The following ACTN4 variants were observed in gnomAD, a reference collection of about 807,000 sequenced individuals.
The protein encoded by ACTN4 is actinin alpha 4, also known as alpha-actinin-4.
ACTN4 carries 18 observed loss-of-function variants against 114.2 expected under a neutral mutation model. That is an observed-to-expected ratio of 0.16 (90% CI 0.11 to 0.23). The LOEUF (loss-of-function observed/expected upper bound fraction) is 0.23. ACTN4 is among the 10% of genes least tolerant of loss of function. The pLI is 1.00. For synonymous variants in ACTN4, 515 were observed against 506.3 expected, an observed-to-expected ratio of 1.02 and a Z score of -0.23; for missense variants, 722 against 1,262.9, an observed-to-expected ratio of 0.57 and a Z score of 6.49.
intron 1 of ACTN4, among the ~76,000 whole-genome samples, chr19:38,680,131 C>T (rs1335259420): frequency 6.6e-6 from 1 of 151,754 alleles, no homozygotes; most frequent in Non-Finnish European, 1.5e-5. Context: ...CCCTATCAGA[C>T]GCTGAGGTCT....
chr19:38,689,781 C>A (rs1045143229), intron 1 of ACTN4, among the ~76,000 whole-genome samples: 8 of 152,128 alleles, frequency 5.3e-5, no homozygotes, highest in Non-Finnish European at 1.5e-5. Context: ...TCAAGCGATT[C>A]TCCTGCCTCA....
intron 9 of ACTN4, among the ~76,000 whole-genome samples, chr19:38,715,957 A>G (rs1968824773): frequency 1.3e-5 from 2 of 152,218 alleles, no homozygotes; most frequent in Non-Finnish European, 1.5e-5. Flanking sequence ...GCTGGAGTGC[A>G]ATGGCACGAC....
At chr19:38,699,278 C>T (rs1968191006) in intron 1 of ACTN4, among the ~76,000 whole-genome samples, 1 of 152,194 alleles carries the variant, frequency 6.6e-6, no homozygotes. Context: ...TGGGTGTACC[C>T]ATGCCCTGTC....
chr19:38,728,410 G>GCCCCTC (rs1969324300), intron 19 of ACTN4: 1 of 754,824 alleles, frequency 1.3e-6, no homozygotes, highest in African/African-American at 2.6e-5. Context: ...CCAGCCACCC[G>GCCCCTC]CTCCTCCTCC....
chr19:38,712,510 C>T (rs777659248), intron 8 of ACTN4, among the ~76,000 whole-genome samples: 5 of 152,124 alleles, frequency 3.3e-5, no homozygotes, highest in Non-Finnish European at 5.9e-5. Context: ...TAGGCAGCTG[C>T]CAGGGAGCCA....
In ACTN4 at chr19:38,647,820, G is replaced by T; in HGVS notation, c.75G>T (p.Gly25=). 6.4e-7 allele frequency: 1 copy of T among 1,551,450 alleles called. No homozygotes were observed. Among genetic ancestry groups the T allele is most frequent in the East Asian group, 2.5e-5 (1 of 39,596 alleles). The change falls in exon 1 of 21, where the codon GGG becomes GGT. Residue 25 remains glycine (G), a synonymous_variant. Transcript: ENST00000252699. Reference sequence around the variant, plus strand: ...GCGCGGGCAATGGCGCTGGCGGCGGGGGCAGCATGGGCGACTACATGGCCC... The same window carrying T: ...GCGCGGGCAATGGCGCTGGCGGCGGTGGCAGCATGGGCGACTACATGGCCC... ...PSSAGNGAGG[G]GSMGDYMAQE... is the part of the protein sequence containing the mutation.
chr19:38,728,283 G>A, intron 19 of ACTN4: 1 of 1,533,512 alleles, frequency 6.5e-7, no homozygotes, highest in Non-Finnish European at 8.8e-7. Flanking sequence ...TCTGGGCCCG[G>A]CCTCCTCTGC....
rs1224823913 is a variant in ACTN4, at chr19:38,731,039, C to T, written c.*1607C>T. ...CTGCAGTGGCCTGTGCAGAGAGGGG[C>T]AGGGTGAGTGCCCACCAGTCCCCGT... is the stretch of plus-strand genomic sequence containing the variant. On this transcript the variant is annotated 3_prime_UTR_variant, in exon 21 of 21. Transcript: ENST00000252699. The T allele has an allele frequency of 6.4e-7, 1 of 1,556,896 alleles. No individual in the cohort carries two copies. Among genetic ancestry groups the T allele is most frequent in the South Asian group, 1.2e-5 (1 of 84,716 alleles).
chr19:38,652,824 G>A (rs1447243597), intron 1 of ACTN4, among the ~76,000 whole-genome samples: 2 of 152,154 alleles, frequency 1.3e-5, no homozygotes, highest in Admixed American at 6.5e-5. Flanking sequence ...AGTGGCTCGC[G>A]CCTGTAATCC....
Position 38,729,697 on chromosome 19 carries a change from C to G in ACTN4, c.*265C>G, listed in dbSNP as rs1599869630. The G allele has an allele frequency of 1.5e-6, 1 of 652,564 alleles. No individual in the cohort carries two copies. The highest frequency in any genetic ancestry group is 2.8e-6 in the Non-Finnish European group (1 of 355,632). The allele number at this position is 652,564 out of a possible 1,614,324, so 40.4% of individuals were successfully genotyped here. ...GTATGATGTGTTGTGCTTTTTTAAC[C>G]AAGGAGGGGCCAGTGGATTCCCACA... On this transcript the variant is annotated 3_prime_UTR_variant, in exon 21 of 21. Transcript: ENST00000252699.
chr19:38,704,688 G>A (rs1409655968), intron 3 of ACTN4, among the ~76,000 whole-genome samples: 2 of 152,220 alleles, frequency 1.3e-5, no homozygotes, highest in African/African-American at 4.8e-5. Context: ...TGCGGGGCCA[G>A]GGACCCTTGT....
At position 38,703,447 on chromosome 19, in the gene ACTN4, G is replaced by A. The variant is rs569716618; in HGVS notation, c.398-1487G>A. Among the ~76,000 whole-genome samples, 10 of 151,950 alleles carry A rather than the reference G, an allele frequency of 6.6e-5. No individual in the cohort carries two copies. In the South Asian group the frequency reaches 2.1e-3, roughly 32 times the overall value. On this transcript the variant is annotated intron_variant, in intron 3 of 20. Transcript: ENST00000252699. ...GAGACGGGGCTTCACCATCTTGGCC[G>A]GGCTGGTCTCGAACTCCTGACCTCA... is the stretch of plus-strand genomic sequence containing the variant.
At chr19:38,685,354 C>T (rs1967709363) in intron 1 of ACTN4, among the ~76,000 whole-genome samples, 1 of 152,184 alleles carries the variant, frequency 6.6e-6, no homozygotes, top group African/African-American at 2.4e-5. Flanking sequence ...AATTAGTTGC[C>T]TGCTGGCAAA....
Position 38,647,670 on chromosome 19 carries a change from G to T in ACTN4, c.-76G>T. 2.0e-6 allele frequency: 3 copies of T among 1,478,194 alleles called. No homozygotes were observed. The highest frequency in any genetic ancestry group is 2.6e-5 in the South Asian group (2 of 76,794). 91.6% of individuals were successfully genotyped at this position (1,478,194 alleles called of 1,614,324 possible). On this transcript the variant is annotated 5_prime_UTR_variant, in exon 1 of 21. Transcript: ENST00000252699. ...GGCTGAAGCAGCTGAAGCGGCGGTA[G>T]CGGCGGCGGCTCGGGCAGAGGGGCG...
In ACTN4 at chr19:38,699,009, C is replaced by T. The variant is rs544191128; in HGVS notation, c.163-1591C>T. Reference sequence around the variant, plus strand: ...GGCGTGGAATGTGCTCTTGTGTGTCCCTGGCTGTCTGCTTGCTTCTACACT... The same window carrying T: ...GGCGTGGAATGTGCTCTTGTGTGTCTCTGGCTGTCTGCTTGCTTCTACACT... On this transcript the variant is annotated intron_variant, in intron 1 of 20. Coordinates refer to ENST00000252699, the MANE Select transcript of ACTN4 (RefSeq NM_004924.6). Among the ~76,000 whole-genome samples the T allele has an allele frequency of 5.9e-5, 9 of 152,336 alleles. No individual in the cohort carries two copies. In the South Asian group the frequency reaches 1.9e-3, roughly 32 times the overall value.
At position 38,730,151 on chromosome 19, in the gene ACTN4, A is replaced by G. The variant is rs1216664249; in HGVS notation, c.*719A>G. On this transcript the variant is annotated 3_prime_UTR_variant, in exon 21 of 21. Coordinates refer to ENST00000252699, the MANE Select transcript of ACTN4 (RefSeq NM_004924.6). Reference sequence around the variant, plus strand: ...AAACCAAAAAAAAAAAAAATCACAAAAACAAAAAAACTATAAAAAAGAAAG... The same window carrying G: ...AAACCAAAAAAAAAAAAAATCACAAGAACAAAAAAACTATAAAAAAGAAAG... 6.5e-6 allele frequency: 1 copy of G among 155,018 alleles called. No homozygotes were observed. Among genetic ancestry groups the G allele is most frequent in the African/African-American group, 2.4e-5 (1 of 40,966 alleles). The allele number at this position is 155,018 out of a possible 1,614,324, so 9.6% of individuals were successfully genotyped here.
chr19:38,652,649 G>A (rs13344413), intron 1 of ACTN4, among the ~76,000 whole-genome samples: 48,544 of 152,012 alleles, frequency 0.32, 9,651 homozygotes, highest in Non-Finnish European at 0.45. Context: ...CCATTTAACG[G>A]CAGCCGACTG....
At chr19:38,700,911 AGAG>A in intron 2 of ACTN4, 88 bp from the exon 3 acceptor site, 2 of 1,553,996 alleles carry the variant, frequency 1.3e-6, no homozygotes, top group East Asian at 4.6e-5. Flanking sequence ...TTTGGAGAAC[AGAG>A]GAGACTCTAA....
intron 1 of ACTN4, among the ~76,000 whole-genome samples, chr19:38,694,603 C>G (rs1013695588): frequency 3.3e-5 from 5 of 152,062 alleles, no homozygotes; most frequent in African/African-American, 7.2e-5. Flanking sequence ...CTCTCCCTCA[C>G]TGGCCAGCAC....
Sources: allele counts gnomAD v4.1 joint callset (sites outside exome capture counted in the v4.1 genomes callset), GRCh38; gene constraint gnomAD v4.1.1; transcripts MANE v1.5; gene names NCBI Gene and HGNC (gene_info 2026-07-23, HGNC 2026-07-21).